The following FOXJ3 variants were observed in gnomAD, a reference collection of about 807,000 sequenced individuals.
The protein encoded by FOXJ3 is forkhead box protein J3.
Under a neutral mutation model 76.1 loss-of-function variants are expected in FOXJ3, and 22 were observed. The ratio of observed to expected loss-of-function variants is 0.29; its 90% CI spans 0.21 to 0.41. The LOEUF is 0.41. Among genes scored for constraint, FOXJ3 ranks in the 10% least tolerant of loss-of-function variants. FOXJ3 has a pLI of 1.00. For synonymous variants in FOXJ3, 269 were observed against 261.2 expected (o/e 1.03, Z -0.29); for missense variants, 613 against 762.1 (o/e 0.80, Z 2.30).
chr1:42,232,636 G>C (rs1428281302), intron 4 of FOXJ3, among the ~76,000 whole-genome samples: 1 of 151,692 alleles, frequency 6.6e-6, no homozygotes, highest in Non-Finnish European at 1.5e-5. Context: ...CCCACTTTTT[G>C]ATGGGGCTGT....
chr1:42,194,948 A>T lies in FOXJ3; in HGVS notation c.876T>A (p.Leu292=). 1 of 1,613,196 alleles carries T rather than the reference A, an allele frequency of 6.2e-7. No homozygotes were observed. Among genetic ancestry groups the T allele is most frequent in the Non-Finnish European group, 8.5e-7 (1 of 1,179,476 alleles). ...TATAAAGGCTCCGAAATGAGGCACT[A>T]AGATCTTCAAAATTATATTCTGAGA... ...LLFSEYNFED[L]SASFRSLYKS... The change falls in exon 8 of 13, where the codon CTT becomes CTA. Residue 292 remains leucine (L), a synonymous_variant. Coordinates refer to ENST00000361346, the MANE Select transcript of FOXJ3 (RefSeq NM_014947.5).
At chr1:42,258,524 C>T (rs747826157) in intron 4 of FOXJ3, among the ~76,000 whole-genome samples, 1 of 152,146 alleles carries the variant, frequency 6.6e-6, no homozygotes, top group African/African-American at 2.4e-5. Context: ...GCTAGTTGAC[C>T]GAATGAACAT....
chr1:42,196,216 G>A (rs1646648072), intron 7 of FOXJ3, among the ~76,000 whole-genome samples: 1 of 152,146 alleles, frequency 6.6e-6, no homozygotes, highest in Non-Finnish European at 1.5e-5. Flanking sequence ...GTGGGATGTA[G>A]GGAGCTGACA....
chr1:42,307,879 T>A (rs1388756601), intron 2 of FOXJ3, among the ~76,000 whole-genome samples: 1 of 152,180 alleles, frequency 6.6e-6, no homozygotes, highest in African/African-American at 2.4e-5. Flanking sequence ...ATACAGTAAG[T>A]CTAATTTTAA....
intron 3 of FOXJ3, among the ~76,000 whole-genome samples, chr1:42,268,563 A>G (rs1651643268): frequency 6.6e-6 from 1 of 152,194 alleles, no homozygotes; most frequent in African/African-American, 2.4e-5. Context: ...AGACTGTAAA[A>G]TATAAAAAAT....
chr1:42,286,389 G>A (rs1460934181), intron 2 of FOXJ3, among the ~76,000 whole-genome samples: 1 of 152,170 alleles, frequency 6.6e-6, no homozygotes, highest in Non-Finnish European at 1.5e-5. Flanking sequence ...GAGCAAGACT[G>A]CCTGGATTGG....
intron 4 of FOXJ3, among the ~76,000 whole-genome samples, chr1:42,251,107 A>AC (rs1469398062): frequency 7.9e-5 from 12 of 152,164 alleles, no homozygotes; most frequent in Non-Finnish European, 1.5e-4. Flanking sequence ...TGGAATAAAT[A>AC]TAAAAACACT....
At chr1:42,201,567 A>G (rs982788481) in intron 6 of FOXJ3, among the ~76,000 whole-genome samples, 22 of 152,214 alleles carry the variant, frequency 1.4e-4, no homozygotes, top group Non-Finnish European at 2.4e-4. Context: ...TTGCGTTTCT[A>G]GAATACAACT....
rs1646486829 is a variant in FOXJ3, at chr1:42,188,800, C to A, written c.1582G>T (p.Val528Phe). The A allele has an allele frequency of 6.2e-7, 1 of 1,612,446 alleles. No homozygotes were observed. The highest frequency in any genetic ancestry group is 1.7e-5 in the Admixed American group (1 of 59,790). ...GCACCATGACAAACATTTTGTTGAA[C>A]ATTACTCTGTGAATGTATAAGGCCA... ...QTGLIHSQSN[V>F]QQNVCHGAMH... The change falls in exon 11 of 13, where the codon GTT becomes TTT. Residue 528 changes from valine to phenylalanine, a missense_variant. Physicochemically the swap from Val to Phe is conservative, Grantham distance 50. This residue lies in a region of FOXJ3 where 526 missense variants were observed against 601.4 expected (regional missense o/e 0.87). Transcript: ENST00000361346.
At chr1:42,237,425 T>TATATATAC (rs1230334965) in intron 4 of FOXJ3, among the ~76,000 whole-genome samples, 4 of 137,504 alleles carry the variant, frequency 2.9e-5, no homozygotes, top group African/African-American at 1.1e-4. Context: ...TATATATATA[T>TATATATAC]ATACATACAT....
At chr1:42,225,615 A>G (rs527322845) in intron 5 of FOXJ3, among the ~76,000 whole-genome samples, 13 of 152,326 alleles carry the variant, frequency 8.5e-5, no homozygotes, top group Admixed American at 2.0e-4. Flanking sequence ...GCCAAAATGA[A>G]TATCAGTATT....
In FOXJ3 at chr1:42,261,391, T is replaced by TTG. The variant is rs148863138; in HGVS notation, c.444+3722_444+3723dup. Among the ~76,000 whole-genome samples, 29 of 151,904 alleles carry TTG rather than the reference T, an allele frequency of 1.9e-4. No homozygotes were observed. In the South Asian group the frequency reaches 3.3e-3, roughly 17 times the overall value. On this transcript the variant is annotated intron_variant, in intron 4 of 12. Transcript: ENST00000361346. The stretch of plus-strand genomic sequence containing the variant: ...AGTGGATGCAAAACTGAATTTCATT[T>TTG]TGTGTGTGTGTGTGTTTTTTTTAAT...
At chr1:42,208,746 G>A (rs1349875398) in intron 5 of FOXJ3, among the ~76,000 whole-genome samples, 4 of 152,220 alleles carry the variant, frequency 2.6e-5, no homozygotes, top group African/African-American at 4.8e-5. Flanking sequence ...ATGGGGTTAC[G>A]TCCCAATAAA....
chr1:42,257,309 G>A (rs1650669885), intron 4 of FOXJ3, among the ~76,000 whole-genome samples: 1 of 152,132 alleles, frequency 6.6e-6, no homozygotes, highest in Non-Finnish European at 1.5e-5. Context: ...CCAGAAGGAA[G>A]GAAAGTGGAA....
intron 1 of FOXJ3, among the ~76,000 whole-genome samples, chr1:42,323,499 CATTTCTA>C (rs1235240247): frequency 5.9e-5 from 9 of 152,098 alleles, no homozygotes; most frequent in African/African-American, 2.2e-4. Context: ...TGTGCTTCCT[CATTTCTA>C]AGTCTTTGAC....
At chr1:42,321,808 A>C (rs544190062) in intron 1 of FOXJ3, among the ~76,000 whole-genome samples, 4 of 152,252 alleles carry the variant, frequency 2.6e-5, no homozygotes, top group African/African-American at 9.6e-5. Flanking sequence ...GAGGAAACCA[A>C]ACGTGGGTTC....
chr1:42,197,566 G>A (rs1454047291), intron 7 of FOXJ3, among the ~76,000 whole-genome samples: 1 of 151,674 alleles, frequency 6.6e-6, no homozygotes, highest in Non-Finnish European at 1.5e-5. Flanking sequence ...TATACAAAAT[G>A]CTGTAATATT....
chr1:42,189,623 G>A (rs1646503429), intron 9 of FOXJ3: 1 of 441,996 alleles, frequency 2.3e-6, no homozygotes, highest in South Asian at 2.4e-5. Context: ...AACTGAACCA[G>A]AGAAGTGACA....
At chr1:42,330,861 G>A (rs1266513283) in intron 1 of FOXJ3, among the ~76,000 whole-genome samples, 1 of 152,124 alleles carries the variant, frequency 6.6e-6, no homozygotes, top group Non-Finnish European at 1.5e-5. Flanking sequence ...TCATCTTTAA[G>A]ATATTCTGCC....
Sources: allele counts gnomAD v4.1 joint callset (sites outside exome capture counted in the v4.1 genomes callset), GRCh38; gene constraint gnomAD v4.1.1; regional missense constraint gnomAD v4.1.1; transcripts MANE v1.5; gene names NCBI Gene and HGNC (gene_info 2026-07-23, HGNC 2026-07-21).